TMEM201: variants seen among roughly 807,000 people sequenced by gnomAD.
TMEM201 encodes transmembrane protein 201.
In TMEM201, 26 loss-of-function variants were observed where a neutral mutation model predicts 63.4. The observed-to-expected ratio is 0.41, with a 90% CI of 0.30 to 0.57. The LOEUF (loss-of-function observed/expected upper bound fraction) is 0.57, where lower values mean the gene tolerates loss of function less well. Ranked by LOEUF, TMEM201 falls within the 20% of genes least tolerant of loss-of-function variation. The pLI is 0.29. For missense variants in TMEM201, 794 were observed against 917.7 expected (o/e 0.87, Z 1.74); for synonymous variants, 417 against 421.6 (o/e 0.99, Z 0.14).
chr1:9,602,748 C>G, intron 6 of TMEM201: 1 of 1,017,082 alleles, frequency 9.8e-7, no homozygotes, highest in Non-Finnish European at 1.2e-6. Context: ...CTGGCGTGCC[C>G]TGACCGTGCA....
At chr1:9,602,618 G>A (rs1207740690) in intron 6 of TMEM201, 17 of 1,213,474 alleles carry the variant, frequency 1.4e-5, no homozygotes, top group Non-Finnish European at 1.8e-5. Context: ...GCAGCTCCAG[G>A]CACCCCCCTC....
intron 8 of TMEM201, 29 bp downstream of exon 8, chr1:9,609,940 A>G (rs1386347039): frequency 9.0e-6 from 14 of 1,547,982 alleles, no homozygotes; most frequent in Non-Finnish European, 1.1e-5. Flanking sequence ...TAAGTGGGGG[A>G]CGGGGCAACA....
intron 1 of TMEM201, among the ~76,000 whole-genome samples, chr1:9,594,220 C>G (rs1399847686): frequency 2.6e-5 from 4 of 152,270 alleles, no homozygotes; most frequent in African/African-American, 4.8e-5. Flanking sequence ...TACTGCCTGC[C>G]CAGCTGGCTG....
chr1:9,611,154 T>C, intron 9 of TMEM201: 1 of 962,624 alleles, frequency 1.0e-6, no homozygotes, highest in South Asian at 1.5e-5. Flanking sequence ...GCCCCCAGCC[T>C]TTAAAACCTA....
At chr1:9,594,499 C>T (rs1643978583) in intron 1 of TMEM201, among the ~76,000 whole-genome samples, 1 of 152,228 alleles carries the variant, frequency 6.6e-6, no homozygotes. Context: ...ATACTCTAGG[C>T]CAGTCACTGT....
At position 9,610,948 on chromosome 1, in the gene TMEM201, G is replaced by A; in HGVS notation, c.1765+143G>A. On this transcript the variant is annotated intron_variant, in intron 9 of 10. Transcript: ENST00000340381. The surrounding 1 kb of genome is among the most constrained non-coding windows in gnomAD (Gnocchi z 4.9). ...CTGGAGCTCTAGGCACCCCATTCCG[G>A]CTCTGGTGACTTGAACCCTCTGGGA... 1 of 1,504,906 alleles carries A rather than the reference G, an allele frequency of 6.6e-7. No homozygotes were observed. Among genetic ancestry groups the A allele is most frequent in the Non-Finnish European group, 8.9e-7 (1 of 1,125,840 alleles). The allele number at this position is 1,504,906 out of a possible 1,614,324, so 93.2% of individuals were successfully genotyped here.
rs772100998 is a variant in TMEM201, at chr1:9,597,061, C to G, written c.429+8C>G. The G allele has an allele frequency of 3.8e-6, 6 of 1,595,372 alleles. No individual in the cohort carries two copies. The highest frequency in any genetic ancestry group is 5.1e-6 in the Non-Finnish European group (6 of 1,167,556). On this transcript the variant is annotated splice_region_variant and intron_variant, in intron 3 of 10. Coordinates refer to ENST00000340381, the MANE Select transcript of TMEM201 (RefSeq NM_001130924.3). Reference sequence around the variant, plus strand: ...TTCGCTCCCCGCGAGGAGGTGAGGCCGGGTTGGGAGGGCAGGGGTCCTGGC... The same window carrying G: ...TTCGCTCCCCGCGAGGAGGTGAGGCGGGGTTGGGAGGGCAGGGGTCCTGGC...
intron 2 of TMEM201, among the ~76,000 whole-genome samples, 193 bp downstream of exon 2, chr1:9,596,203 C>T (rs1298912841): frequency 1.3e-5 from 2 of 152,208 alleles, no homozygotes; most frequent in African/African-American, 4.8e-5. Flanking sequence ...ACTGCCCTGG[C>T]GCTGTCTCCT....
In TMEM201 at chr1:9,604,110, G is replaced by A. The variant is rs1408038574; in HGVS notation, c.1160+1838G>A. 2.0e-6 allele frequency: 2 copies of A among 985,442 alleles called. No homozygotes were observed. Among genetic ancestry groups the A allele is most frequent in the Non-Finnish European group, 1.2e-6 (1 of 829,940 alleles). 61.0% of individuals were successfully genotyped at this position (985,442 alleles called of 1,614,324 possible). On this transcript the variant is annotated intron_variant, in intron 6 of 10. Coordinates refer to ENST00000340381, the MANE Select transcript of TMEM201 (RefSeq NM_001130924.3). This position sits in a 1 kb window ranked among gnomAD's most constrained non-coding sequence, Gnocchi z 4.1. ...TGGAGCCAGGACGGGAAAGCGTCCT[G>A]TCGGCTGGCCATGCTGTTGCTTGCG...
chr1:9,602,318 C>T, intron 6 of TMEM201, 46 bp downstream of exon 6: 1 of 1,598,062 alleles, frequency 6.3e-7, no homozygotes. Context: ...CACGGATGCT[C>T]AGGCCCAGGC....
In TMEM201 at chr1:9,611,860, G is replaced by A; in HGVS notation, c.1873G>A (p.Gly625Ser). 2 of 1,550,446 alleles carry A rather than the reference G, an allele frequency of 1.3e-6. No homozygotes were observed. The highest frequency in any genetic ancestry group is 1.7e-6 in the Non-Finnish European group (2 of 1,146,870). ...STCVVDTTTRGCSEEAATWRG... is the reference protein window; with the variant it reads ...STCVVDTTTRSCSEEAATWRG... Reference sequence around the variant, plus strand: ...CTGTGTGGTGGACACCACCACCAGGGGCTGCTCGGAGGAGGCCGCCACCTG... The same window carrying A: ...CTGTGTGGTGGACACCACCACCAGGAGCTGCTCGGAGGAGGCCGCCACCTG... Residue 625 changes from glycine (G) to serine (S), a missense_variant, in exon 10 of 11, where the codon GGC becomes AGC. Physicochemically the swap from Gly to Ser is moderately conservative, Grantham distance 56. Coordinates refer to ENST00000340381, the MANE Select transcript of TMEM201 (RefSeq NM_001130924.3).
chr1:9,610,947 G>T lies in TMEM201; in HGVS notation c.1765+142G>T. The T allele has an allele frequency of 6.6e-7, 1 of 1,510,508 alleles. No individual in the cohort carries two copies. The highest frequency in any genetic ancestry group is 2.0e-5 in the Admixed American group (1 of 50,584). The allele number at this position is 1,510,508 out of a possible 1,614,324, so 93.6% of individuals were successfully genotyped here. A position where few individuals can be genotyped will look rare whatever the true frequency, so the allele number is the denominator to read the frequency against. ...CCTGGAGCTCTAGGCACCCCATTCC[G>T]GCTCTGGTGACTTGAACCCTCTGGG... On this transcript the variant is annotated intron_variant, in intron 9 of 10. Coordinates refer to ENST00000340381, the MANE Select transcript of TMEM201 (RefSeq NM_001130924.3). This position sits in a 1 kb window ranked among gnomAD's most constrained non-coding sequence, Gnocchi z 4.9.
In TMEM201 at chr1:9,604,822, T is replaced by C; in HGVS notation, c.1160+2550T>C. 1 of 985,978 alleles carries C rather than the reference T, an allele frequency of 1.0e-6. No homozygotes were observed. The highest frequency in any genetic ancestry group is 4.7e-5 in the South Asian group (1 of 21,300). 61.1% of individuals were successfully genotyped at this position (985,978 alleles called of 1,614,324 possible). A position where few individuals can be genotyped will look rare whatever the true frequency, so the allele number is the denominator to read the frequency against. On this transcript the variant is annotated intron_variant, in intron 6 of 10. Transcript: ENST00000340381. The surrounding 1 kb of genome is among the most constrained non-coding windows in gnomAD (Gnocchi z 4.1). ...CTGTCTGTGACTGTTGCTGAGTCTC[T>C]GTCTCATGTCGTAGAATTGTGGATA...
Position 9,598,569 on chromosome 1 carries a change from G to A in TMEM201, c.550G>A (p.Ala184Thr), listed in dbSNP as rs773987713. ...YIKHQNRQLR[A>T]LLLSHQFKRR... ...CAAGCACCAGAACCGCCAGCTGCGC[G>A]CCCTGTTGCTCAGCCACCAGTTCAA... Residue 184 changes from alanine to threonine, a missense_variant, in exon 4 of 11, where the codon GCC becomes ACC. Transcript: ENST00000340381. 5.6e-6 allele frequency: 9 copies of A among 1,613,542 alleles called. No homozygotes were observed. The highest frequency in any genetic ancestry group is 1.6e-4 in the Middle Eastern group (1 of 6,084).
intron 6 of TMEM201, chr1:9,602,492 G>A (rs1569941053): frequency 2.1e-6 from 3 of 1,422,552 alleles, no homozygotes; most frequent in Non-Finnish European, 2.8e-6. Flanking sequence ...CCATCCCCGA[G>A]TGCCCTGTAG....
chr1:9,591,825 C>T (rs1336075588), intron 1 of TMEM201, among the ~76,000 whole-genome samples: 4 of 152,250 alleles, frequency 2.6e-5, no homozygotes, highest in Admixed American at 6.5e-5. Context: ...AACCGCCGCA[C>T]CCCGGGCATA....
chr1:9,601,493 G>T (rs1293843849), intron 5 of TMEM201, 39 bp downstream of exon 5: 1 of 1,542,580 alleles, frequency 6.5e-7, no homozygotes, highest in Non-Finnish European at 8.7e-7. Context: ...GCGGGCAGGG[G>T]ACTGTGTGCT....
chr1:9,597,858 C>T (rs1338904361), intron 3 of TMEM201, among the ~76,000 whole-genome samples: 1 of 152,254 alleles, frequency 6.6e-6, no homozygotes, highest in African/African-American at 2.4e-5. Flanking sequence ...ACACTCCTGA[C>T]CCTCCTGGCC....
chr1:9,592,945 C>T (rs960695134), intron 1 of TMEM201, among the ~76,000 whole-genome samples: 7 of 152,234 alleles, frequency 4.6e-5, no homozygotes, highest in African/African-American at 1.4e-4. Flanking sequence ...CCTCCAGGCC[C>T]GAGCTCCTCT....
Sources: gnomAD v4.1 joint callset for allele counts (sites outside exome capture counted in the v4.1 genomes callset) on GRCh38, gnomAD v4.1.1 for gene constraint, Gnocchi (gnomAD v3.1) non-coding constraint, MANE v1.5 for transcripts, NCBI Gene and HGNC (gene_info 2026-07-23, HGNC 2026-07-21) for gene names.